SRPK1: variants seen among roughly 807,000 people sequenced by gnomAD.
SRPK1 encodes the protein SFRS protein kinase 1.
SRPK1 carries 52 observed loss-of-function variants against 89.5 expected under a neutral mutation model. That is an observed-to-expected ratio of 0.58 (90% CI 0.46 to 0.73). The LOEUF is 0.73. Ranked by LOEUF, SRPK1 falls within the 30% of genes least tolerant of loss-of-function variation. The pLI, the probability that SRPK1 is intolerant of heterozygous loss-of-function variation, is 0.00. For synonymous variants in SRPK1, 255 were observed against 270.2 expected (o/e 0.94, Z 0.55); for missense variants, 603 against 780.6 (o/e 0.77, Z 2.71).
intron 2 of SRPK1, among the ~76,000 whole-genome samples, chr6:35,901,356 A>C (rs1581595219): frequency 6.6e-6 from 1 of 152,230 alleles, no homozygotes; most frequent in East Asian, 1.9e-4. Flanking sequence ...ATGTAGAGAC[A>C]CACACACATA....
chr6:35,881,070 G>A (rs1770278092), intron 6 of SRPK1, among the ~76,000 whole-genome samples: 1 of 152,012 alleles, frequency 6.6e-6, no homozygotes, highest in Non-Finnish European at 1.5e-5. Flanking sequence ...GAAAAATAAT[G>A]TCAACCAAGA....
intron 14 of SRPK1, among the ~76,000 whole-genome samples, chr6:35,839,551 C>T (rs1344333928): frequency 6.6e-6 from 1 of 151,990 alleles, no homozygotes; most frequent in Non-Finnish European, 1.5e-5. Context: ...ACCATGAGCA[C>T]AACCAGGGAG....
At chr6:35,896,545 C>T (rs1770629720) in intron 2 of SRPK1, among the ~76,000 whole-genome samples, 1 of 152,124 alleles carries the variant, frequency 6.6e-6, no homozygotes, top group South Asian at 2.1e-4. Context: ...CCTCAAAATG[C>T]TAAACATTAG....
rs1402784411 is a variant in SRPK1, at chr6:35,833,789, T to A, written c.*1515A>T. The A allele has an allele frequency of 6.6e-6, 1 of 152,514 alleles. No individual in the cohort carries two copies. The highest frequency in any genetic ancestry group is 1.5e-5 in the Non-Finnish European group (1 of 68,042). The allele number at this position is 152,514 out of a possible 1,614,324, so 9.4% of individuals were successfully genotyped here. A position where few individuals can be genotyped will look rare whatever the true frequency, so the allele number is the denominator to read the frequency against. On this transcript the variant is annotated 3_prime_UTR_variant, in exon 16 of 16. Coordinates refer to ENST00000373825, the MANE Select transcript of SRPK1 (RefSeq NM_003137.5). Reference sequence around the variant, plus strand: ...CCTGTATAGAAAGGTGGTTACCCAATAGCCTCACTGGTGGCTTGCTAGCAG... The same window carrying A: ...CCTGTATAGAAAGGTGGTTACCCAAAAGCCTCACTGGTGGCTTGCTAGCAG...
chr6:35,838,945 A>G, intron 14 of SRPK1: 1 of 829,744 alleles, frequency 1.2e-6, no homozygotes, highest in East Asian at 6.1e-5. Flanking sequence ...AAGGCCAAGA[A>G]TTATTTCAGG....
chr6:35,869,208 A>C, intron 11 of SRPK1, 98 bp from the exon 12 acceptor site: 1 of 1,040,716 alleles, frequency 9.6e-7, no homozygotes, highest in Non-Finnish European at 1.4e-6. Flanking sequence ...ACAGTCAGCA[A>C]TACCCAAGTG....
At chr6:35,856,181 T>C (rs1279136783) in intron 13 of SRPK1, among the ~76,000 whole-genome samples, 1 of 152,164 alleles carries the variant, frequency 6.6e-6, no homozygotes, top group Non-Finnish European at 1.5e-5. Flanking sequence ...AATACCTAAT[T>C]AATTACATCT....
In SRPK1 at chr6:35,879,278, G is replaced by A. The variant is rs181567863; in HGVS notation, c.479-4939C>T. On this transcript the variant is annotated intron_variant, in intron 6 of 15. Transcript: ENST00000373825. ...AAAACAAAACAGAGCCAGGTACAGC[G>A]GCTCATGCACGTAATCCCAGCACTT... Among the ~76,000 whole-genome samples, 136 of 151,836 alleles carry A rather than the reference G, an allele frequency of 9.0e-4. 2 individuals carry two copies. The highest frequency in any genetic ancestry group is 5.0e-3 in the South Asian group (24 of 4,794).
Position 35,835,469 on chromosome 6 carries a change from C to T in SRPK1, c.1803G>A (p.Thr601=), listed in dbSNP as rs748106757. The change falls in exon 16 of 16, where the codon ACG becomes ACA. Residue 601 remains threonine, a synonymous_variant. Transcript: ENST00000373825. ...FTKKGDLKHI[T]KLKPWGLFEV... is the part of the protein sequence containing the mutation. ...CAAAAAGGCCCCAAGGTTTCAGCTT[C>T]GTGATATGTTTCAGGTCACCTGCAG... The T allele has an allele frequency of 4.2e-5, 68 of 1,612,768 alleles. No homozygotes were observed. Among genetic ancestry groups the T allele is most frequent in the African/African-American group, 6.7e-5 (5 of 74,874 alleles).
intron 2 of SRPK1, among the ~76,000 whole-genome samples, chr6:35,908,708 G>A (rs1420801850): frequency 6.6e-6 from 1 of 152,248 alleles, no homozygotes; most frequent in Non-Finnish European, 1.5e-5. Flanking sequence ...AGAAATTCAA[G>A]CTGGCTGCTA....
chr6:35,889,265 T>C (rs373398040), intron 3 of SRPK1, among the ~76,000 whole-genome samples: 2 of 151,832 alleles, frequency 1.3e-5, no homozygotes, highest in African/African-American at 4.8e-5. Flanking sequence ...AATTACAGTC[T>C]CAGGTGTTTT....
At chr6:35,840,985 A>G (rs1196876906) in intron 14 of SRPK1, among the ~76,000 whole-genome samples, 1 of 152,200 alleles carries the variant, frequency 6.6e-6, no homozygotes, top group Non-Finnish European at 1.5e-5. Context: ...AACACCCGAT[A>G]TAATTCTAGC....
intron 12 of SRPK1, among the ~76,000 whole-genome samples, chr6:35,865,371 C>A (rs1769871997): frequency 6.6e-6 from 1 of 151,996 alleles, no homozygotes; most frequent in Admixed American, 6.6e-5. Flanking sequence ...ATCACACTAT[C>A]CAAAGCAATC....
Position 35,916,630 on chromosome 6 carries a change from T to G in SRPK1, c.74+3838A>C, listed in dbSNP as rs1039107358. Among the ~76,000 whole-genome samples the G allele has an allele frequency of 2.6e-5, 4 of 152,298 alleles. No individual in the cohort carries two copies. In the South Asian group the frequency reaches 8.3e-4, roughly 32 times the overall value. Reference sequence around the variant, plus strand: ...GAGCTGAATTAATTTTACTACCAAATGTATACTAAATCCATAATTATTTAA... The same window carrying G: ...GAGCTGAATTAATTTTACTACCAAAGGTATACTAAATCCATAATTATTTAA... On this transcript the variant is annotated intron_variant, in intron 2 of 15. Coordinates refer to ENST00000373825, the MANE Select transcript of SRPK1 (RefSeq NM_003137.5).
At chr6:35,863,741 GAA>G (rs1401912037) in intron 12 of SRPK1, among the ~76,000 whole-genome samples, 1 of 152,032 alleles carries the variant, frequency 6.6e-6, no homozygotes, top group Non-Finnish European at 1.5e-5. Flanking sequence ...AAATCTTAAA[GAA>G]GAGAGAAAAT....
chr6:35,884,627 G>C (rs992855608), intron 6 of SRPK1, among the ~76,000 whole-genome samples: 6 of 152,150 alleles, frequency 3.9e-5, no homozygotes, highest in African/African-American at 1.4e-4. Context: ...GGAAAAAATG[G>C]CTAAGAACAA....
In SRPK1 at chr6:35,920,175, G is replaced by A. The variant is rs1771198995; in HGVS notation, c.74+293C>T. ...GCTCCGGTGGGGAGGTCCAAGCTAGGGGAGTTTGTGCCTCCTCTGTGGAGT... is the reference window on the plus strand; with the variant it reads ...GCTCCGGTGGGGAGGTCCAAGCTAGAGGAGTTTGTGCCTCCTCTGTGGAGT... On this transcript the variant is annotated intron_variant, in intron 2 of 15. Transcript: ENST00000373825. 3 of 544,634 alleles carry A rather than the reference G, an allele frequency of 5.5e-6. No individual in the cohort carries two copies. In the East Asian group the frequency reaches 1.4e-4, roughly 25 times the overall value. The allele number at this position is 544,634 out of a possible 1,614,324, so 33.7% of individuals were successfully genotyped here. A position where few individuals can be genotyped will look rare whatever the true frequency, so the allele number is the denominator to read the frequency against.
At chr6:35,881,233 C>G (rs1215400129) in intron 6 of SRPK1, among the ~76,000 whole-genome samples, 1 of 151,946 alleles carries the variant, frequency 6.6e-6, no homozygotes, top group Admixed American at 6.6e-5. Context: ...AACAATAACA[C>G]AAAGCCAGGC....
At chr6:35,867,028 G>A (rs1769919539) in intron 12 of SRPK1, among the ~76,000 whole-genome samples, 2 of 152,196 alleles carry the variant, frequency 1.3e-5, no homozygotes, top group Admixed American at 1.3e-4. Flanking sequence ...TGAAAGGGTG[G>A]ATGAAGGGAT....
Sources: allele counts gnomAD v4.1 joint callset (sites outside exome capture counted in the v4.1 genomes callset), GRCh38; gene constraint gnomAD v4.1.1; transcripts MANE v1.5; gene names NCBI Gene and HGNC (gene_info 2026-07-23, HGNC 2026-07-21).